The following PCGF3 variants were observed in gnomAD, a reference collection of about 807,000 sequenced individuals.
PCGF3 encodes polycomb group RING finger protein 3.
In PCGF3, 7 loss-of-function variants were observed where a neutral mutation model predicts 33.1. The observed-to-expected ratio is 0.21, with a 90% CI of 0.12 to 0.40. The LOEUF is 0.40. Ranked by LOEUF, PCGF3 falls within the 10% of genes least tolerant of loss-of-function variation. The pLI, the probability that PCGF3 is intolerant of heterozygous loss-of-function variation, is 1.00. For missense variants in PCGF3, 211 were observed against 313.3 expected (o/e 0.67, Z 2.46); for synonymous variants, 153 against 121.3 (o/e 1.26, Z -1.72).
chr4:765,951 C>T, intron 10 of PCGF3, 81 bp from the exon 11 acceptor site: 1 of 1,330,058 alleles, frequency 7.5e-7, no homozygotes, highest in South Asian at 1.2e-5. Flanking sequence ...GACGTGATTC[C>T]TCAGCACCCT....
At chr4:760,197 A>C (rs551247806) in intron 8 of PCGF3, among the ~76,000 whole-genome samples, 5 of 152,188 alleles carry the variant, frequency 3.3e-5, no homozygotes, top group African/African-American at 9.6e-5. Flanking sequence ...TTGCTTCCTG[A>C]ATCTGAGGAC....
intron 9 of PCGF3, among the ~76,000 whole-genome samples, chr4:763,982 G>C (rs1198718954): frequency 1.3e-5 from 2 of 152,242 alleles, no homozygotes; most frequent in African/African-American, 2.4e-5. Flanking sequence ...TGCGACTCCA[G>C]CTCTGCAGCA....
chr4:711,454 CTTT>C (rs1248598317), intron 1 of PCGF3, among the ~76,000 whole-genome samples: 1 of 82,894 alleles, frequency 1.2e-5, no homozygotes, highest in Admixed American at 1.2e-4. Flanking sequence ...TTTTTTTTTT[CTTT>C]TTTTTTTTTT....
intron 1 of PCGF3, among the ~76,000 whole-genome samples, chr4:710,401 C>T (rs758653789): frequency 3.9e-5 from 6 of 152,316 alleles, no homozygotes; most frequent in African/African-American, 1.4e-4. Flanking sequence ...AAGAGTCATT[C>T]GGCCCCTACA....
chr4:735,268 C>T (rs573173605), intron 5 of PCGF3, among the ~76,000 whole-genome samples: 58 of 152,326 alleles, frequency 3.8e-4, no homozygotes, highest in African/African-American at 1.4e-3. Flanking sequence ...TTAGGTAGGC[C>T]GGGCGCAGGG....
rs150018983 is a variant in PCGF3, at chr4:738,984, C to T, written c.262+1463C>T. 7.7e-3 allele frequency among the ~76,000 whole-genome samples: 1,175 copies of T among 152,296 alleles called. 10 individuals carry two copies. Among genetic ancestry groups the T allele is most frequent in the South Asian group, 0.017 (84 of 4,830 alleles). On this transcript the variant is annotated intron_variant, in intron 6 of 10. Coordinates refer to ENST00000362003, the Ensembl canonical transcript of PCGF3. ...CCCGCCAGCAGTTTCTAGGCGTGGC[C>T]GTCCTTGCTGCACCTGCTGCTCCCT...
chr4:723,306 G>A (rs1221587364), intron 1 of PCGF3, among the ~76,000 whole-genome samples: 4 of 152,278 alleles, frequency 2.6e-5, no homozygotes, highest in African/African-American at 7.2e-5. Flanking sequence ...ACCGGGGAGA[G>A]GAGGGTGCAT....
intron 8 of PCGF3, among the ~76,000 whole-genome samples, chr4:760,737 C>T (rs373952427): frequency 1.3e-5 from 2 of 152,212 alleles, no homozygotes; most frequent in Admixed American, 6.5e-5. Context: ...GATTCCTTTT[C>T]GCACCGGGCA....
At chr4:736,526 GCATAGGATGCA>G (rs1743834409) in intron 5 of PCGF3, among the ~76,000 whole-genome samples, 2 of 117,138 alleles carry the variant, frequency 1.7e-5, no homozygotes, top group African/African-American at 3.4e-5. Flanking sequence ...TCCCCTGAGC[GCATAGGATGCA>G]GGGAACCTGG....
intron 8 of PCGF3, among the ~76,000 whole-genome samples, chr4:751,879 G>T (rs920904961): frequency 6.6e-6 from 1 of 152,252 alleles, no homozygotes; most frequent in Non-Finnish European, 1.5e-5. Context: ...ATCATCTGAC[G>T]GGCGCAGGCC....
intron 8 of PCGF3, among the ~76,000 whole-genome samples, chr4:750,679 G>A (rs1443686659): frequency 6.6e-6 from 1 of 152,174 alleles, no homozygotes; most frequent in Non-Finnish European, 1.5e-5. Flanking sequence ...CTGGGAGATT[G>A]TGAACTCCGA....
rs1337605579 is a variant in PCGF3 at position 713,831 on chromosome 4, AG to A, written c.-190+7864del. ...TCGCAGTGTGAGCCTGGCACAGCAGAGGGCGCACAGGGCAGGCATCATTGGA... is the reference window on the plus strand; with the variant it reads ...TCGCAGTGTGAGCCTGGCACAGCAGAGGCGCACAGGGCAGGCATCATTGGA... On this transcript the variant is annotated intron_variant, in intron 1 of 10. Coordinates refer to ENST00000362003, the Ensembl canonical transcript of PCGF3. 2.0e-5 allele frequency among the ~76,000 whole-genome samples: 3 copies of A among 152,274 alleles called. No individual in the cohort carries two copies. In the South Asian group the frequency reaches 6.2e-4, roughly 32 times the overall value.
chr4:752,413 C>T lies in PCGF3; in HGVS notation c.462+7725C>T, dbSNP rs1020489214. Among the ~76,000 whole-genome samples, 10 of 152,228 alleles carry T rather than the reference C, an allele frequency of 6.6e-5. 1 individual carries two copies. The highest frequency in any genetic ancestry group is 1.3e-4 in the Admixed American group (2 of 15,290). On this transcript the variant is annotated intron_variant, in intron 8 of 10. Transcript: ENST00000362003. ...TCGGTCTGTTTAATTCCAGAACTCT[C>T]CTTTCTGGAGCCTGACTTCTTTGGG...
chr4:717,810 G>A (rs1048258033), intron 1 of PCGF3, among the ~76,000 whole-genome samples: 11 of 152,376 alleles, frequency 7.2e-5, no homozygotes, highest in South Asian at 2.1e-4. Context: ...AATGTCCTGC[G>A]GTGATTGAGG....
chr4:711,138 G>A (rs774000624), intron 1 of PCGF3, among the ~76,000 whole-genome samples: 1 of 152,150 alleles, frequency 6.6e-6, no homozygotes, highest in Non-Finnish European at 1.5e-5. Context: ...GCCTCCTTCC[G>A]GTTCTGGGCT....
At chr4:765,824 G>A (rs1745337791) in intron 10 of PCGF3, among the ~76,000 whole-genome samples, 1 of 152,198 alleles carries the variant, frequency 6.6e-6, no homozygotes, top group South Asian at 2.1e-4. Context: ...CCTGGGGCCA[G>A]GGGAGAGGGC....
At chr4:722,497 G>A (rs541421924) in intron 1 of PCGF3, 3 of 257,528 alleles carry the variant, frequency 1.2e-5, no homozygotes, top group African/African-American at 2.6e-5. Context: ...CATTCACGTC[G>A]GGGCTGTGTC....
At chr4:748,238 C>T (rs1217597672) in intron 8 of PCGF3, among the ~76,000 whole-genome samples, 1 of 150,750 alleles carries the variant, frequency 6.6e-6, no homozygotes, top group African/African-American at 2.4e-5. Context: ...TTGCTCTTGT[C>T]TGCCAGGCTG....
intron 6 of PCGF3, among the ~76,000 whole-genome samples, chr4:742,081 C>T (rs1398771307): frequency 2.6e-5 from 4 of 152,040 alleles, no homozygotes; most frequent in South Asian, 2.1e-4. Flanking sequence ...CATCCACCTG[C>T]GGCCGGCCCC....
Sources: allele counts gnomAD v4.1 joint callset (sites outside exome capture counted in the v4.1 genomes callset), GRCh38; gene constraint gnomAD v4.1.1; transcripts MANE v1.5; gene names NCBI Gene and HGNC (gene_info 2026-07-23, HGNC 2026-07-21).